Variants in DGKZ observed in about 807,000 individuals in gnomAD.
DGKZ encodes the protein DAG kinase zeta.
In DGKZ, 45 loss-of-function variants were observed where a neutral mutation model predicts 142.5. The ratio of observed to expected loss-of-function variants is 0.32; its 90% CI spans 0.25 to 0.40. The LOEUF is 0.40. Ranked by LOEUF, DGKZ falls within the 10% of genes least tolerant of loss-of-function variation. DGKZ has a pLI of 1.00. For synonymous variants in DGKZ, 442 were observed against 527.0 expected (o/e 0.84, Z 2.21); for missense variants, 755 against 1,306.5 (o/e 0.58, Z 6.51).
Position 46,369,261 on chromosome 11 carries a change from C to T in DGKZ, c.445-233C>T, listed in dbSNP as rs539007601. ...CGGACCCAAAGCTCCCAACCTCCCC[C>T]TCATCCTGGGTCCTGGGTGGAAGAA... On this transcript the variant is annotated intron_variant, in intron 4 of 30. Coordinates refer to ENST00000527911, the Ensembl canonical transcript of DGKZ. 5.0e-6 allele frequency: 3 copies of T among 595,742 alleles called. No individual in the cohort carries two copies. The Admixed American group carries it at 8.0e-5, about 16-fold the overall frequency. The allele number at this position is 595,742 out of a possible 1,614,324, so 36.9% of individuals were successfully genotyped here.
In DGKZ at chr11:46,378,502, T is replaced by TA. The variant is rs2136518545; in HGVS notation, c.2418+3dup. 1 of 1,612,928 alleles carries TA rather than the reference T, an allele frequency of 6.2e-7. No homozygotes were observed. Among genetic ancestry groups the TA allele is most frequent in the East Asian group, 2.2e-5 (1 of 44,864 alleles). ...GCCAAGAGGAACGACTTCTGTAAGGTACTAGCTCCAGGCTCCAGTTCCTTC... is the reference window on the plus strand; with the variant it reads ...GCCAAGAGGAACGACTTCTGTAAGGTAACTAGCTCCAGGCTCCAGTTCCTTC... On this transcript the variant is annotated splice_region_variant and intron_variant, in intron 27 of 30. Coordinates refer to ENST00000527911, the Ensembl canonical transcript of DGKZ.
At chr11:46,345,540 G>A (rs1413848455), upstream of DGKZ, 10 of 1,524,326 alleles carry the variant, frequency 6.6e-6, no homozygotes, top group Admixed American at 2.1e-5. The surrounding 1 kb of genome is among the most constrained non-coding windows in gnomAD (Gnocchi z 4.1). Context: ...TGGCGCTACC[G>A]CTCCTGGGAC....
rs1230497615 is a variant in DGKZ at position 46,379,036 on chromosome 11, G to C, written c.2464G>C (p.Glu822Gln). The C allele has an allele frequency of 1.3e-6, 2 of 1,593,226 alleles. No homozygotes were observed. Among genetic ancestry groups the C allele is most frequent in the African/African-American group, 1.3e-5 (1 of 74,586 alleles). Residue 822 changes from glutamate (E) to glutamine (Q), a missense_variant, in exon 28 of 31, where the codon GAG becomes CAG. Transcript: ENST00000527911. ...TGGGGGCGACCTCATGCACCGAGAC[G>C]AGCAGAGTCGCACGCTCCTGCACCA... is the stretch of plus-strand genomic sequence containing the variant.
chr11:46,379,614 C>G, intron 30 of DGKZ, 46 bp downstream of exon 30: 1 of 1,531,814 alleles, frequency 6.5e-7, no homozygotes, highest in Non-Finnish European at 8.9e-7. Context: ...CCAACCAAAC[C>G]TTTCCCAAGG....
At position 46,367,732 on chromosome 11, in the gene DGKZ, T is replaced by A; in HGVS notation, c.351T>A (p.Cys117Ter). The A allele has an allele frequency of 6.2e-7, 1 of 1,613,278 alleles. No homozygotes were observed. Among genetic ancestry groups the A allele is most frequent in the Non-Finnish European group, 8.5e-7 (1 of 1,179,978 alleles). ...TCTGCTACGTTGGGGAGCAGTACTG[T>A]GTAGCCAGGATGCTGGTGAGTGCTC... The change falls in exon 3 of 31, where the codon TGT becomes TGA. Residue 117 changes from cysteine to a stop codon, truncating the protein, a stop_gained. Coordinates refer to ENST00000527911, the Ensembl canonical transcript of DGKZ. LOFTEE classifies it high-confidence loss of function. The surrounding 1 kb of genome is among the most constrained non-coding windows in gnomAD (Gnocchi z 4.1).
intron 20 of DGKZ, 84 bp downstream of exon 20, chr11:46,375,715 G>T: frequency 6.6e-7 from 1 of 1,510,292 alleles, no homozygotes; most frequent in Non-Finnish European, 8.9e-7. Flanking sequence ...CTGTAAAAGG[G>T]GCTGACTGTC....
intron 22 of DGKZ, 75 bp from the exon 23 acceptor site, chr11:46,376,253 G>T (rs1013631753): frequency 6.2e-7 from 1 of 1,608,072 alleles, no homozygotes. Flanking sequence ...CTCTGTGCTG[G>T]TTCCCCCTAC....
chr11:46,359,910 G>C (rs1221195312), intron 1 of DGKZ, among the ~76,000 whole-genome samples: 1 of 151,884 alleles, frequency 6.6e-6, no homozygotes, highest in Admixed American at 6.6e-5. Flanking sequence ...GAACCACTGT[G>C]CCCGGCCTGA....
exon 1 of DGKZ, chr11:46,333,336 G>A: frequency 7.4e-7 from 1 of 1,345,784 alleles, no homozygotes; most frequent in East Asian, 3.1e-5. Context: ...CGGCCGGGCA[G>A]CCGAGGAGGA....
chr11:46,365,549 C>G (rs538605467), intron 1 of DGKZ: 1 of 985,436 alleles, frequency 1.0e-6, no homozygotes, highest in South Asian at 4.7e-5. Context: ...CAGTGACTCT[C>G]CAGTTCCCTG....
rs1286732543 is a variant in DGKZ, at chr11:46,367,499, T to C, written c.270+100T>C. ...TAAAGGCAGCTGGGAGAGCCAAGCCTGGAAGGGTTGGGACAGTGGGGCAGA... is the reference window on the plus strand; with the variant it reads ...TAAAGGCAGCTGGGAGAGCCAAGCCCGGAAGGGTTGGGACAGTGGGGCAGA... On this transcript the variant is annotated intron_variant, in intron 2 of 30. Transcript: ENST00000527911. The surrounding 1 kb of genome is among the most constrained non-coding windows in gnomAD (Gnocchi z 4.1). 10 of 1,400,356 alleles carry C rather than the reference T, an allele frequency of 7.1e-6. No individual in the cohort carries two copies. The highest frequency in any genetic ancestry group is 7.8e-6 in the Non-Finnish European group (8 of 1,027,314). The allele number at this position is 1,400,356 out of a possible 1,614,324, so 86.7% of individuals were successfully genotyped here. A position where few individuals can be genotyped will look rare whatever the true frequency, so the allele number is the denominator to read the frequency against.
intron 1 of DGKZ, chr11:46,366,398 C>T: frequency 1.3e-6 from 2 of 1,525,022 alleles, no homozygotes; most frequent in Non-Finnish European, 8.8e-7. Context: ...CTCACTGGCA[C>T]AGCGGCGCCG....
In DGKZ at chr11:46,372,899, GA is replaced by G; in HGVS notation, c.1185+16del. 1 of 1,567,702 alleles carries G rather than the reference GA, an allele frequency of 6.4e-7. No homozygotes were observed. Among genetic ancestry groups the G allele is most frequent in the Non-Finnish European group, 8.6e-7 (1 of 1,156,110 alleles). ...ACTGGGGTGGGGTAAGCACCCATAG[GA>G]GGGGGGTGCAGCTGGGGCCTCTCCA... On this transcript the variant is annotated intron_variant, in intron 13 of 30. Coordinates refer to ENST00000527911, the Ensembl canonical transcript of DGKZ. The surrounding 1 kb of genome is among the most constrained non-coding windows in gnomAD (Gnocchi z 5.9).
Position 46,358,705 on chromosome 11 carries a change from T to C in DGKZ, c.162-8586T>C, listed in dbSNP as rs145078900. On this transcript the variant is annotated intron_variant, in intron 1 of 30. Coordinates refer to ENST00000527911, the Ensembl canonical transcript of DGKZ. Reference sequence around the variant, plus strand: ...TAAAAATAAGTAATAAAATATTTGTTGCCAATGATAAAATTTGAGCTTTTG... The same window carrying C: ...TAAAAATAAGTAATAAAATATTTGTCGCCAATGATAAAATTTGAGCTTTTG... Among the ~76,000 whole-genome samples, 274 of 152,356 alleles carry C rather than the reference T, an allele frequency of 1.8e-3. 1 individual carries two copies. The highest frequency in any genetic ancestry group is 6.2e-3 in the African/African-American group (259 of 41,580).
At position 46,368,547 on chromosome 11, in the gene DGKZ, A is replaced by G. The variant is rs547025357; in HGVS notation, c.444+468A>G. ...GGAGGCAGCACTGGGCAGACGGGTC[A>G]AGGCCAGGGGCAGAAGGGTTCGCAT... On this transcript the variant is annotated intron_variant, in intron 4 of 30. Coordinates refer to ENST00000527911, the Ensembl canonical transcript of DGKZ. The G allele has an allele frequency of 2.2e-5, 7 of 318,832 alleles. No homozygotes were observed. The East Asian group carries it at 6.1e-4, about 28-fold the overall frequency. 19.8% of individuals were successfully genotyped at this position (318,832 alleles called of 1,614,324 possible).
chr11:46,372,391 A>G lies in DGKZ; in HGVS notation c.928-37A>G. Reference sequence around the variant, plus strand: ...TCTGCTGCTCCCACTTCGTCCCACCACTGCCTGACTGTCTCTTGGCTCCCC... The same window carrying G: ...TCTGCTGCTCCCACTTCGTCCCACCGCTGCCTGACTGTCTCTTGGCTCCCC... On this transcript the variant is annotated intron_variant, in intron 10 of 30. Coordinates refer to ENST00000527911, the Ensembl canonical transcript of DGKZ. This position sits in a 1 kb window ranked among gnomAD's most constrained non-coding sequence, Gnocchi z 5.9. 2 of 1,609,074 alleles carry G rather than the reference A, an allele frequency of 1.2e-6. No individual in the cohort carries two copies. The highest frequency in any genetic ancestry group is 1.7e-6 in the Non-Finnish European group (2 of 1,175,726).
chr11:46,367,735 A>G lies in DGKZ; in HGVS notation c.354A>G (p.Val118=), dbSNP rs747311652. 6.2e-7 allele frequency: 1 copy of G among 1,613,218 alleles called. No individual in the cohort carries two copies. Among genetic ancestry groups the G allele is most frequent in the Admixed American group, 1.7e-5 (1 of 59,996 alleles). Residue 118 remains valine (V), a synonymous_variant, in exon 3 of 31, where the codon GTA becomes GTG. Transcript: ENST00000527911. The surrounding 1 kb of genome is among the most constrained non-coding windows in gnomAD (Gnocchi z 4.1). ...GCTACGTTGGGGAGCAGTACTGTGT[A>G]GCCAGGATGCTGGTGAGTGCTCGTA...
chr11:46,372,012 T>A lies in DGKZ; in HGVS notation c.832-63T>A. 1.3e-6 allele frequency: 2 copies of A among 1,488,640 alleles called. No individual in the cohort carries two copies. Among genetic ancestry groups the A allele is most frequent in the South Asian group, 2.4e-5 (2 of 83,544 alleles). The allele number at this position is 1,488,640 out of a possible 1,614,324, so 92.2% of individuals were successfully genotyped here. A position where few individuals can be genotyped will look rare whatever the true frequency, so the allele number is the denominator to read the frequency against. Reference sequence around the variant, plus strand: ...GAACAAAGTCACCCAGGGGGCCTGCTAAGGATGATGGTAGGGTGTCCTGGA... The same window carrying A: ...GAACAAAGTCACCCAGGGGGCCTGCAAAGGATGATGGTAGGGTGTCCTGGA... On this transcript the variant is annotated intron_variant, in intron 9 of 30. Coordinates refer to ENST00000527911, the Ensembl canonical transcript of DGKZ. The surrounding 1 kb of genome is among the most constrained non-coding windows in gnomAD (Gnocchi z 5.9).
At chr11:46,339,949 C>A (rs986117236) in intron 1 of DGKZ, among the ~76,000 whole-genome samples, 1 of 152,196 alleles carries the variant, frequency 6.6e-6, no homozygotes, top group Admixed American at 6.5e-5. Context: ...TTCTGCAGGG[C>A]TCCAGTGTGA....
Sources: allele counts gnomAD v4.1 joint callset (sites outside exome capture counted in the v4.1 genomes callset), GRCh38; gene constraint gnomAD v4.1.1; non-coding constraint Gnocchi (gnomAD v3.1); transcripts MANE v1.5; gene names NCBI Gene and HGNC (gene_info 2026-07-23, HGNC 2026-07-21).